The following FRMD4A variants were observed in gnomAD, a reference collection of about 807,000 sequenced individuals.
FRMD4A encodes the protein FERM domain containing 4A, also known as FERM domain-containing protein 4A.
In FRMD4A, 29 loss-of-function variants were observed where a neutral mutation model predicts 129.1. The observed-to-expected ratio is 0.22, with a 90% confidence interval of 0.17 to 0.31. FRMD4A has a LOEUF of 0.31. Among genes scored for constraint, FRMD4A ranks in the 10% least tolerant of loss-of-function variants. The pLI, the probability that FRMD4A is intolerant of heterozygous loss-of-function variation, is 1.00. For synonymous variants in FRMD4A, 634 were observed against 571.6 expected (o/e 1.11, Z -1.56); for missense variants, 1,272 against 1,375.8 (o/e 0.92, Z 1.19).
chr10:13,944,502 T>C (rs1166648757), intron 2 of FRMD4A, among the ~76,000 whole-genome samples: 1 of 152,120 alleles, frequency 6.6e-6, no homozygotes, highest in Non-Finnish European at 1.5e-5. Flanking sequence ...TAGAAATAAA[T>C]GTAATGTGCT....
intron 2 of FRMD4A, among the ~76,000 whole-genome samples, chr10:14,043,327 A>G (rs1833859243): frequency 1.3e-5 from 2 of 152,318 alleles, no homozygotes; most frequent in South Asian, 4.1e-4. Context: ...TGTTGTGTGG[A>G]TATAAAGGTG....
chr10:14,036,588 C>T (rs1473991115), intron 2 of FRMD4A, among the ~76,000 whole-genome samples: 1 of 152,118 alleles, frequency 6.6e-6, no homozygotes, highest in Non-Finnish European at 1.5e-5. Context: ...TGATTTTTAC[C>T]TCTTCTCTAA....
intron 2 of FRMD4A, among the ~76,000 whole-genome samples, chr10:14,006,182 G>A (rs756425956): frequency 6.6e-6 from 1 of 152,158 alleles, no homozygotes; most frequent in Non-Finnish European, 1.5e-5. Flanking sequence ...ATTTCAATTA[G>A]TTCCACTCTC....
In FRMD4A at chr10:13,816,835, A is replaced by G. The variant is rs113758957; in HGVS notation, c.112-5927T>C. 2.5e-3 allele frequency among the ~76,000 whole-genome samples: 379 copies of G among 152,324 alleles called. 1 individual carries two copies. Among genetic ancestry groups the G allele is most frequent in the African/African-American group, 8.5e-3 (354 of 41,578 alleles). The stretch of plus-strand genomic sequence containing the variant: ...TAGCCCAATCGCATTCTATTGGACA[A>G]TCTGGGCAGGAGCCCAGAGGCCACG... On this transcript the variant is annotated intron_variant, in intron 3 of 24. Coordinates refer to ENST00000357447, the MANE Select transcript of FRMD4A (RefSeq NM_018027.5).
At chr10:13,898,069 C>T (rs1290393278) in intron 2 of FRMD4A, among the ~76,000 whole-genome samples, 1 of 151,236 alleles carries the variant, frequency 6.6e-6, no homozygotes, top group Non-Finnish European at 1.5e-5. Flanking sequence ...TTAGTGGCAA[C>T]TCTATTAGAT....
chr10:13,793,467 A>T (rs2093048251), intron 5 of FRMD4A, among the ~76,000 whole-genome samples: 1 of 152,128 alleles, frequency 6.6e-6, no homozygotes, highest in African/African-American at 2.4e-5. Flanking sequence ...CCAGCCTACC[A>T]TGGCCCTCTT....
chr10:13,898,024 C>T (rs1176136612), intron 2 of FRMD4A, among the ~76,000 whole-genome samples: 1 of 151,170 alleles, frequency 6.6e-6, no homozygotes, highest in African/African-American at 2.4e-5. Flanking sequence ...AGTCTGGCCT[C>T]AAAATGAACG....
chr10:14,105,344 T>C (rs1227988719), intron 2 of FRMD4A, among the ~76,000 whole-genome samples: 1 of 152,058 alleles, frequency 6.6e-6, no homozygotes, highest in Non-Finnish European at 1.5e-5. Context: ...GACCAGAAGA[T>C]CACTTGAGCC....
At chr10:13,877,592 G>A (rs1432383495) in intron 2 of FRMD4A, among the ~76,000 whole-genome samples, 2 of 152,178 alleles carry the variant, frequency 1.3e-5, no homozygotes, top group East Asian at 3.9e-4. Context: ...GCTTCCATAG[G>A]GGGAAGTTTC....
intron 24 of FRMD4A, 130 bp downstream of exon 24, chr10:13,651,773 C>CATGTATCTAGAA: frequency 1.5e-6 from 1 of 656,024 alleles, no homozygotes; most frequent in Non-Finnish European, 2.8e-6. Context: ...TCCAGTTCCC[C>CATGTATCTAGAA]ATGTATCTAG....
In FRMD4A at chr10:13,666,911, C is replaced by CT. The variant is rs10546068; in HGVS notation, c.1375-587dup. On this transcript the variant is annotated intron_variant, in intron 17 of 24. Coordinates refer to ENST00000357447, the MANE Select transcript of FRMD4A (RefSeq NM_018027.5). ...CTTTCGGGAGCTTTTCTTTTCTTTT[C>CT]TTTTTTTTTTTTTTTTTTTGAGATG... Among the ~76,000 whole-genome samples the CT allele has an allele frequency of 3.0e-3, 339 of 114,372 alleles. 1 individual carries two copies. Among genetic ancestry groups the CT allele is most frequent in the East Asian group, 8.5e-3 (34 of 3,994 alleles). The allele number at this position is 114,372 out of a possible 152,430, so 75.0% of individuals were successfully genotyped here.
chr10:13,779,694 T>C (rs1328591702), intron 6 of FRMD4A, among the ~76,000 whole-genome samples: 1 of 152,150 alleles, frequency 6.6e-6, no homozygotes, highest in East Asian at 1.9e-4. Context: ...TAAGGGGAAA[T>C]CCTAGGTTTA....
chr10:14,171,700 G>C (rs1038913524), intron 2 of FRMD4A, among the ~76,000 whole-genome samples: 55 of 152,084 alleles, frequency 3.6e-4, no homozygotes, highest in Admixed American at 3.6e-3. Context: ...TCCATTACAT[G>C]GTGTAATGAA....
chr10:13,679,425 T>C (rs1331182833), intron 15 of FRMD4A, among the ~76,000 whole-genome samples: 1 of 23,734 alleles, frequency 4.2e-5, no homozygotes, highest in Non-Finnish European at 7.4e-5. Context: ...AGACTCTGTC[T>C]CAAAAAAAAA....
intron 2 of FRMD4A, among the ~76,000 whole-genome samples, chr10:14,030,085 T>C (rs1436507304): frequency 6.6e-6 from 1 of 152,140 alleles, no homozygotes; most frequent in East Asian, 1.9e-4. Flanking sequence ...TAGAATGTGG[T>C]TTCCAGGAGC....
intron 2 of FRMD4A, among the ~76,000 whole-genome samples, chr10:14,060,137 T>C (rs1834737545): frequency 6.6e-6 from 1 of 152,206 alleles, no homozygotes; most frequent in Admixed American, 6.5e-5. Context: ...TATATGTCAA[T>C]TCACTTATTT....
At chr10:13,993,006 T>C (rs1407389238) in intron 2 of FRMD4A, among the ~76,000 whole-genome samples, 1 of 140,662 alleles carries the variant, frequency 7.1e-6, no homozygotes, top group Non-Finnish European at 1.6e-5. Flanking sequence ...ATTAAAGTAA[T>C]GACTAGCCAA....
At chr10:14,034,209 G>A (rs550809393) in intron 2 of FRMD4A, among the ~76,000 whole-genome samples, 12 of 152,282 alleles carry the variant, frequency 7.9e-5, no homozygotes, top group Admixed American at 2.6e-4. Context: ...TTCATTAAGC[G>A]CATTTGTTGC....
At chr10:14,174,873 GTGTGTC>G (rs1398392954) in intron 2 of FRMD4A, among the ~76,000 whole-genome samples, 987 of 34,940 alleles carry the variant, frequency 0.028, 9 homozygotes, top group Non-Finnish European at 0.069. Context: ...AAAAGTGTGT[GTGTGTC>G]TGTGTGTGTG....
Sources: gnomAD v4.1 joint callset for allele counts (sites outside exome capture counted in the v4.1 genomes callset) on GRCh38, gnomAD v4.1.1 for gene constraint, MANE v1.5 for transcripts, NCBI Gene and HGNC (gene_info 2026-07-23, HGNC 2026-07-21) for gene names.